Variants in AGPAT4 observed in about 807,000 individuals in gnomAD.
AGPAT4 encodes 1-acylglycerol-3-phosphate O-acyltransferase 4, also known as 1-acyl-sn-glycerol-3-phosphate acyltransferase delta.
A neutral mutation model predicts 48.0 loss-of-function variants in AGPAT4; 15 were observed. That is an observed-to-expected ratio of 0.31 (90% CI 0.21 to 0.48). The LOEUF (loss-of-function observed/expected upper bound fraction) is 0.48. Among genes scored for constraint, AGPAT4 ranks in the 20% least tolerant of loss-of-function variants. AGPAT4 has a pLI of 0.99. For synonymous variants in AGPAT4, 178 were observed against 198.7 expected, an observed-to-expected ratio of 0.90 and a Z score of 0.88; for missense variants, 314 against 482.5, an observed-to-expected ratio of 0.65 and a Z score of 3.27.
intron 3 of AGPAT4, among the ~76,000 whole-genome samples, chr6:161,163,177 C>T (rs976120152): frequency 5.3e-5 from 8 of 152,240 alleles, no homozygotes; most frequent in African/African-American, 7.2e-5. Flanking sequence ...CCCAAAAAGA[C>T]CAATTTTACA....
At chr6:161,183,238 G>A (rs1285355790) in intron 2 of AGPAT4, among the ~76,000 whole-genome samples, 1 of 152,078 alleles carries the variant, frequency 6.6e-6, no homozygotes, top group African/African-American at 2.4e-5. Context: ...GACACCCAGG[G>A]CTGCACAGGA....
At position 161,201,998 on chromosome 6, in the gene AGPAT4, A is replaced by G. The variant is rs955534812; in HGVS notation, c.178+30038T>C. The stretch of plus-strand genomic sequence containing the variant: ...CACTATAAGCCATTTAAGACTTATC[A>G]TAAGTGTTCCTCCTCCAGGAAGTCT... On this transcript the variant is annotated intron_variant, in intron 2 of 8. Coordinates refer to ENST00000320285, the MANE Select transcript of AGPAT4 (RefSeq NM_020133.3). The surrounding 1 kb of genome is among the most constrained non-coding windows in gnomAD (Gnocchi z 6.0). Among the ~76,000 whole-genome samples the G allele has an allele frequency of 5.3e-5, 8 of 152,206 alleles. No homozygotes were observed. Among genetic ancestry groups the G allele is most frequent in the African/African-American group, 1.7e-4 (7 of 41,450 alleles).
At position 161,134,555 on chromosome 6, in the gene AGPAT4, T is replaced by C. The variant is rs1183148374; in HGVS notation, c.*1985A>G. On this transcript the variant is annotated 3_prime_UTR_variant, in exon 9 of 9. Transcript: ENST00000320285. ...CTTGACACACCCCAAGAGGTAGATA[T>C]CGTCACCCCCATTTTGCAGATGGGG... 6.6e-6 allele frequency: 1 copy of C among 152,116 alleles called. No individual in the cohort carries two copies. Among genetic ancestry groups the C allele is most frequent in the African/African-American group, 2.4e-5 (1 of 41,420 alleles). 9.4% of individuals were successfully genotyped at this position (152,116 alleles called of 1,614,324 possible). A position where few individuals can be genotyped will look rare whatever the true frequency, so the allele number is the denominator to read the frequency against.
Position 161,146,496 on chromosome 6 carries a change from AG to A in AGPAT4, c.843+27del, listed in dbSNP as rs1426823886. The A allele has an allele frequency of 6.2e-7, 1 of 1,612,006 alleles. No homozygotes were observed. Among genetic ancestry groups the A allele is most frequent in the Non-Finnish European group, 8.5e-7 (1 of 1,179,204 alleles). ...CGGCGCACCCACAGCTGCAACGTGA[AG>A]GGACCCCTGGCACCCAGTGCACTGA... On this transcript the variant is annotated intron_variant, in intron 7 of 8. Transcript: ENST00000320285. This position sits in a 1 kb window ranked among gnomAD's most constrained non-coding sequence, Gnocchi z 7.1.
rs1281115693 is a variant in AGPAT4, at chr6:161,235,937, T to C, written c.-89-3635A>G. Among the ~76,000 whole-genome samples the C allele has an allele frequency of 1.3e-5, 2 of 152,206 alleles. No individual in the cohort carries two copies. Among genetic ancestry groups the C allele is most frequent in the African/African-American group, 2.4e-5 (1 of 41,452 alleles). On this transcript the variant is annotated intron_variant, in intron 1 of 8. Transcript: ENST00000320285. The surrounding 1 kb of genome is among the most constrained non-coding windows in gnomAD (Gnocchi z 6.2). ...CACAGATACAAACCATATCAGCTTC[T>C]TTCCCATCTTGAATAAAACAGCACT...
intron 2 of AGPAT4, among the ~76,000 whole-genome samples, chr6:161,185,365 A>G (rs1367788219): frequency 1.4e-5 from 2 of 141,206 alleles, no homozygotes; most frequent in African/African-American, 5.4e-5. Context: ...ATCTCAGCTC[A>G]CTGCAGCCTT....
chr6:161,258,003 G>A (rs1278376462), intron 1 of AGPAT4, among the ~76,000 whole-genome samples: 1 of 152,142 alleles, frequency 6.6e-6, no homozygotes, highest in Non-Finnish European at 1.5e-5. Context: ...ATTTAGTTTT[G>A]GCGCACACAT....
In AGPAT4 at chr6:161,223,242, G is replaced by C. The variant is rs896900726; in HGVS notation, c.178+8794C>G. On this transcript the variant is annotated intron_variant, in intron 2 of 8. Coordinates refer to ENST00000320285, the MANE Select transcript of AGPAT4 (RefSeq NM_020133.3). This position sits in a 1 kb window ranked among gnomAD's most constrained non-coding sequence, Gnocchi z 6.3. Reference sequence around the variant, plus strand: ...GCCTGGCCCCCTGGACTGAGCTTGGGTGCACGTTTGTTAAAGAATGCCTGC... The same window carrying C: ...GCCTGGCCCCCTGGACTGAGCTTGGCTGCACGTTTGTTAAAGAATGCCTGC... Among the ~76,000 whole-genome samples the C allele has an allele frequency of 2.6e-5, 4 of 152,306 alleles. No homozygotes were observed. In the East Asian group the frequency reaches 7.7e-4, roughly 29 times the overall value.
intron 2 of AGPAT4, among the ~76,000 whole-genome samples, chr6:161,213,944 G>A (rs1224936873): frequency 1.3e-5 from 2 of 152,138 alleles, no homozygotes; most frequent in Non-Finnish European, 2.9e-5. Flanking sequence ...TGGGGAATGT[G>A]AAAGGAAAAT....
chr6:161,253,287 C>T (rs1201353516), intron 1 of AGPAT4, among the ~76,000 whole-genome samples: 1 of 147,556 alleles, frequency 6.8e-6, no homozygotes, highest in East Asian at 2.0e-4. Context: ...CGGAGTCTTG[C>T]GCTGTTGCCC....
In AGPAT4 at chr6:161,159,890, A is replaced by C. The variant is rs141168560; in HGVS notation, c.349-5580T>G. On this transcript the variant is annotated intron_variant, in intron 3 of 8. Coordinates refer to ENST00000320285, the MANE Select transcript of AGPAT4 (RefSeq NM_020133.3). This position sits in a 1 kb window ranked among gnomAD's most constrained non-coding sequence, Gnocchi z 4.1. The stretch of plus-strand genomic sequence containing the variant: ...GAACTCCTGACCTTCAGGTCTCCCA[A>C]AGTGCTGGGATGGGATTACAGGTGT... 2.7e-5 allele frequency among the ~76,000 whole-genome samples: 4 copies of C among 150,654 alleles called. No individual in the cohort carries two copies. The highest frequency in any genetic ancestry group is 4.9e-5 in the African/African-American group (2 of 40,906).
chr6:161,211,049 G>A (rs1781510147), intron 2 of AGPAT4, among the ~76,000 whole-genome samples: 1 of 152,304 alleles, frequency 6.6e-6, no homozygotes, highest in South Asian at 2.1e-4. Flanking sequence ...AGGACAGCTT[G>A]GAGGTAAAAA....
rs1375241222 is a variant in AGPAT4 at position 161,154,800 on chromosome 6, C to T, written c.349-490G>A. Among the ~76,000 whole-genome samples the T allele has an allele frequency of 6.6e-6, 1 of 152,210 alleles. No individual in the cohort carries two copies. The highest frequency in any genetic ancestry group is 2.4e-5 in the African/African-American group (1 of 41,444). ...TCAAACGCTAGAAAATGTAGCATTC[C>T]TAGGTGTGAGGTTAACATCCTTCTT... On this transcript the variant is annotated intron_variant, in intron 3 of 8. Transcript: ENST00000320285. The surrounding 1 kb of genome is among the most constrained non-coding windows in gnomAD (Gnocchi z 7.8).
At position 161,218,970 on chromosome 6, in the gene AGPAT4, T is replaced by A. The variant is rs909498468; in HGVS notation, c.178+13066A>T. Among the ~76,000 whole-genome samples the A allele has an allele frequency of 6.6e-6, 1 of 152,254 alleles. No individual in the cohort carries two copies. The highest frequency in any genetic ancestry group is 2.4e-5 in the African/African-American group (1 of 41,464). ...CTGTGGAATTGGAGAATACTTTTAA[T>A]CTAATATTTTCCCTCCTTTCAGGAG... On this transcript the variant is annotated intron_variant, in intron 2 of 8. Transcript: ENST00000320285. The surrounding 1 kb of genome is among the most constrained non-coding windows in gnomAD (Gnocchi z 4.7).
intron 2 of AGPAT4, among the ~76,000 whole-genome samples, chr6:161,185,117 T>C (rs1414600121): frequency 7.5e-6 from 1 of 133,348 alleles, no homozygotes; most frequent in African/African-American, 2.9e-5. Context: ...CCTATTTAAA[T>C]CCCTATGTAA....
At chr6:161,176,852 C>G (rs1780443921) in intron 2 of AGPAT4, among the ~76,000 whole-genome samples, 1 of 152,170 alleles carries the variant, frequency 6.6e-6, no homozygotes, top group African/African-American at 2.4e-5. Context: ...GACAAAATCT[C>G]TCAGCATTTG....
intron 2 of AGPAT4, among the ~76,000 whole-genome samples, chr6:161,174,183 A>G (rs1038129683): frequency 2.6e-5 from 4 of 152,230 alleles, no homozygotes; most frequent in African/African-American, 9.7e-5. Context: ...TTCTGTGAAG[A>G]AAGTCATTGG....
rs1469575158 is a variant in AGPAT4, at chr6:161,206,055, C to A, written c.178+25981G>T. Among the ~76,000 whole-genome samples the A allele has an allele frequency of 6.6e-6, 1 of 152,032 alleles. No individual in the cohort carries two copies. Among genetic ancestry groups the A allele is most frequent in the African/African-American group, 2.4e-5 (1 of 41,400 alleles). ...AACTCTTTGTACTCGTATGTTTTTT[C>A]AAGCCCGTGCGATGTAGACAAAAAA... is the stretch of plus-strand genomic sequence containing the variant. On this transcript the variant is annotated intron_variant, in intron 2 of 8. Coordinates refer to ENST00000320285, the MANE Select transcript of AGPAT4 (RefSeq NM_020133.3). The surrounding 1 kb of genome is among the most constrained non-coding windows in gnomAD (Gnocchi z 4.8).
In AGPAT4 at chr6:161,158,164, C is replaced by T. The variant is rs1335547750; in HGVS notation, c.349-3854G>A. On this transcript the variant is annotated intron_variant, in intron 3 of 8. Transcript: ENST00000320285. This position sits in a 1 kb window ranked among gnomAD's most constrained non-coding sequence, Gnocchi z 5.3. The stretch of plus-strand genomic sequence containing the variant: ...TAAGCACAACTGAAGAGTCACTGTG[C>T]ACAGACAGTTGCCCAAGTTAACTCA... 6.6e-6 allele frequency among the ~76,000 whole-genome samples: 1 copy of T among 152,164 alleles called. No homozygotes were observed. The highest frequency in any genetic ancestry group is 1.5e-5 in the Non-Finnish European group (1 of 68,026).
Sources: allele counts gnomAD v4.1 joint callset (sites outside exome capture counted in the v4.1 genomes callset), GRCh38; gene constraint gnomAD v4.1.1; non-coding constraint Gnocchi (gnomAD v3.1); transcripts MANE v1.5; gene names NCBI Gene and HGNC (gene_info 2026-07-23, HGNC 2026-07-21).